SLC25A21: variants seen among roughly 807,000 people sequenced by gnomAD.
SLC25A21 encodes solute carrier family 25 member 21.
In SLC25A21, 47 loss-of-function variants were observed where a neutral mutation model predicts 43.8. The ratio of observed to expected loss-of-function variants is 1.07; its 90% CI spans 0.85 to 1.37. The LOEUF (loss-of-function observed/expected upper bound fraction) is 1.37. Among genes scored for constraint, SLC25A21 ranks in the 40% most tolerant of loss-of-function variants. The pLI, the probability that SLC25A21 is intolerant of heterozygous loss-of-function variation, is 0.00. For missense variants in SLC25A21, 352 were observed against 350.2 expected, an observed-to-expected ratio of 1.00 and a Z score of -0.04; for synonymous variants, 131 against 121.3, an observed-to-expected ratio of 1.08 and a Z score of -0.52.
intron 1 of SLC25A21, among the ~76,000 whole-genome samples, chr14:36,992,600 T>C (rs1462667752): frequency 2.6e-5 from 4 of 152,278 alleles, no homozygotes; most frequent in Non-Finnish European, 5.9e-5. Flanking sequence ...TTCTGATTAT[T>C]TGTTAGCATG....
At chr14:37,000,182 T>A (rs1480908838) in intron 1 of SLC25A21, among the ~76,000 whole-genome samples, 8 of 152,116 alleles carry the variant, frequency 5.3e-5, no homozygotes, top group Admixed American at 3.9e-4. Flanking sequence ...CTTCATTCAA[T>A]CAATCAGCAA....
chr14:36,823,997 TG>T (rs1566649496), intron 2 of SLC25A21, among the ~76,000 whole-genome samples: 1 of 152,202 alleles, frequency 6.6e-6, no homozygotes, highest in Non-Finnish European at 1.5e-5. Context: ...ACCCTCTCAC[TG>T]TCCCTGGGAA....
At chr14:36,781,620 C>T (rs1382549721) in intron 3 of SLC25A21, among the ~76,000 whole-genome samples, 2 of 152,158 alleles carry the variant, frequency 1.3e-5, no homozygotes, top group Non-Finnish European at 2.9e-5. Flanking sequence ...ACTTTAACTT[C>T]TCTACACAAA....
intron 7 of SLC25A21, among the ~76,000 whole-genome samples, chr14:36,700,695 T>A (rs1883242836): frequency 6.6e-6 from 1 of 152,216 alleles, no homozygotes; most frequent in African/African-American, 2.4e-5. Flanking sequence ...GGATATGCCA[T>A]GTCACCCTCC....
intron 3 of SLC25A21, among the ~76,000 whole-genome samples, chr14:36,758,762 T>A (rs8015018): frequency 0.024 from 3,725 of 152,168 alleles, 136 homozygotes; most frequent in African/African-American, 0.082. Flanking sequence ...GCCTCTTGTG[T>A]GGGAACTGGA....
intron 1 of SLC25A21, among the ~76,000 whole-genome samples, chr14:37,170,963 ATCGGTAAT>A (rs1364289178): frequency 6.7e-6 from 1 of 150,310 alleles, no homozygotes; most frequent in Non-Finnish European, 1.5e-5. Flanking sequence ...GGTGATGCGC[ATCGGTAAT>A]TCCAGCTACT....
rs1892299210 is a variant in SLC25A21, at chr14:36,931,741, AGTT to A, written c.71-56740_71-56738del. ...AAGCAGGTAAATTCAAAAGACATGG[AGTT>A]AGAACATGGAGTTAGAATAGATGGG... On this transcript the variant is annotated intron_variant, in intron 1 of 9. Coordinates refer to ENST00000331299, the MANE Select transcript of SLC25A21 (RefSeq NM_030631.4). 1.7e-4 allele frequency among the ~76,000 whole-genome samples: 3 copies of A among 17,180 alleles called. No individual in the cohort carries two copies. The Admixed American group carries it at 2.2e-3, about 13-fold the overall frequency. The allele number at this position is 17,180 out of a possible 152,430, so 11.3% of individuals were successfully genotyped here. A position where few individuals can be genotyped will look rare whatever the true frequency, so the allele number is the denominator to read the frequency against.
chr14:36,935,515 C>T (rs1229957098), intron 1 of SLC25A21, among the ~76,000 whole-genome samples: 1 of 152,148 alleles, frequency 6.6e-6, no homozygotes, highest in Non-Finnish European at 1.5e-5. Flanking sequence ...CTGTGGAAGC[C>T]ACCTAATGTC....
intron 1 of SLC25A21, among the ~76,000 whole-genome samples, chr14:36,898,980 A>G (rs926069244): frequency 6.6e-6 from 1 of 152,228 alleles, no homozygotes; most frequent in Admixed American, 6.5e-5. Flanking sequence ...GTATGTGTCA[A>G]TTGGCTAGAT....
chr14:36,718,796 C>A (rs1445415076), intron 6 of SLC25A21, among the ~76,000 whole-genome samples: 1 of 152,166 alleles, frequency 6.6e-6, no homozygotes, highest in Non-Finnish European at 1.5e-5. Flanking sequence ...CCATCAGTTA[C>A]ACATTTGCTA....
chr14:36,919,588 C>A (rs1372297307), intron 1 of SLC25A21, among the ~76,000 whole-genome samples: 3 of 151,684 alleles, frequency 2.0e-5, no homozygotes, highest in Non-Finnish European at 4.4e-5. Context: ...ATACATCAAT[C>A]TAAAGACTTG....
At chr14:36,681,736 C>CTTT (rs530598621) in intron 9 of SLC25A21, among the ~76,000 whole-genome samples, 1 of 148,230 alleles carries the variant, frequency 6.7e-6, no homozygotes, top group Non-Finnish European at 1.5e-5. Flanking sequence ...CTGCCATATA[C>CTTT]TTTTTTTTTT....
At chr14:36,895,354 G>T (rs1566718708) in intron 1 of SLC25A21, among the ~76,000 whole-genome samples, 2 of 152,134 alleles carry the variant, frequency 1.3e-5, no homozygotes, top group Admixed American at 1.3e-4. Flanking sequence ...TTCTGTGATG[G>T]TAGTTTGTAT....
At position 36,830,809 on chromosome 14, in the gene SLC25A21, T is replaced by G. The variant is rs141067521; in HGVS notation, c.120-16808A>C. ...TCATGGCTTGGGATAGAGAAAAGCTTAGATTTACTAGGACTTCATCATGGG... is the reference window on the plus strand; with the variant it reads ...TCATGGCTTGGGATAGAGAAAAGCTGAGATTTACTAGGACTTCATCATGGG... On this transcript the variant is annotated intron_variant, in intron 2 of 9. Transcript: ENST00000331299. Among the ~76,000 whole-genome samples the G allele has an allele frequency of 2.8e-3, 428 of 152,208 alleles. 3 individuals are homozygous for G. The highest frequency in any genetic ancestry group is 9.5e-3 in the African/African-American group (395 of 41,544).
chr14:36,894,416 C>T (rs1487491914), intron 1 of SLC25A21, among the ~76,000 whole-genome samples: 1 of 152,058 alleles, frequency 6.6e-6, no homozygotes, highest in Non-Finnish European at 1.5e-5. Flanking sequence ...CTGAATTTGC[C>T]TATCAGCTTA....
In SLC25A21 at chr14:36,683,851, G is replaced by A; in HGVS notation, c.815C>T (p.Pro272Leu). 2.5e-6 allele frequency: 4 copies of A among 1,606,266 alleles called. No homozygotes were observed. The highest frequency in any genetic ancestry group is 3.4e-6 in the Non-Finnish European group (4 of 1,175,610). Residue 272 changes from proline to leucine, a missense_variant, in exon 9 of 10, where the codon CCC (proline) becomes CTC (leucine). Transcript: ENST00000331299. ...GILALYKGLLPKIMRLGPGGA... is the reference protein window; with the variant it reads ...GILALYKGLLLKIMRLGPGGA... The stretch of plus-strand genomic sequence containing the variant: ...ACCTGGTCCAAGTCTCATAATCTTG[G>A]GAAGCAGGCCTTTGTACAAAGCTAA...
rs55664595 is a variant in SLC25A21 at position 37,040,295 on chromosome 14, G to A, written c.70+131986C>T. On this transcript the variant is annotated intron_variant, in intron 1 of 9. Transcript: ENST00000331299. ...GGAAGGAAGGAAGGAAGGAAAGAGAGAGAAAGAGGAAGGAAAGGAAGAAAG... is the reference window on the plus strand; with the variant it reads ...GGAAGGAAGGAAGGAAGGAAAGAGAAAGAAAGAGGAAGGAAAGGAAGAAAG... Among the ~76,000 whole-genome samples the A allele has an allele frequency of 6.2e-5, 4 of 64,510 alleles. 1 individual carries two copies. The African/African-American group carries it at 6.7e-4, about 11-fold the overall frequency. The allele number at this position is 64,510 out of a possible 152,430, so 42.3% of individuals were successfully genotyped here.
intron 1 of SLC25A21, among the ~76,000 whole-genome samples, chr14:36,991,499 G>A (rs1025197282): frequency 6.6e-6 from 1 of 152,154 alleles, no homozygotes; most frequent in African/African-American, 2.4e-5. Context: ...ATGAGAACCA[G>A]TATCCTCTAG....
intron 2 of SLC25A21, among the ~76,000 whole-genome samples, chr14:36,867,821 G>GTA (rs1890256025): frequency 7.3e-6 from 1 of 136,892 alleles, no homozygotes; most frequent in African/African-American, 2.6e-5. Flanking sequence ...GTGTGTGTGT[G>GTA]TACACTCATT....
Sources: allele counts gnomAD v4.1 joint callset (sites outside exome capture counted in the v4.1 genomes callset), GRCh38; gene constraint gnomAD v4.1.1; transcripts MANE v1.5; gene names NCBI Gene and HGNC (gene_info 2026-07-23, HGNC 2026-07-21).